RSBN1L: variants seen among roughly 807,000 people sequenced by gnomAD.
RSBN1L encodes the protein lysine-specific demethylase RSBN1L.
A neutral mutation model predicts 67.7 loss-of-function variants in RSBN1L; 30 were observed. That is an observed-to-expected ratio of 0.44 (90% CI 0.33 to 0.60). The LOEUF (loss-of-function observed/expected upper bound fraction) is 0.60. Ranked by LOEUF, RSBN1L falls within the 20% of genes least tolerant of loss-of-function variation. RSBN1L has a pLI of 0.02. For synonymous variants in RSBN1L, 433 were observed against 387.0 expected (o/e 1.12, Z -1.39); for missense variants, 992 against 1,031.7 (o/e 0.96, Z 0.53).
In RSBN1L at chr7:77,768,643, A is replaced by T; in HGVS notation, c.1483-18A>T. ...CATTTTGAAAATAATTGCAATCTGC[A>T]TAATTATTTATCTCCAGTGTACACT... On this transcript the variant is annotated intron_variant, in intron 4 of 7. Coordinates refer to ENST00000334955, the MANE Select transcript of RSBN1L (RefSeq NM_198467.3). The T allele has an allele frequency of 6.2e-7, 1 of 1,603,598 alleles. No homozygotes were observed. The highest frequency in any genetic ancestry group is 8.5e-7 in the Non-Finnish European group (1 of 1,172,568).
At chr7:77,705,426 T>C (rs1790877992) in intron 1 of RSBN1L, among the ~76,000 whole-genome samples, 2 of 152,086 alleles carry the variant, frequency 1.3e-5, no homozygotes, top group African/African-American at 2.4e-5. Context: ...TCAGGAGGCA[T>C]ACAGTCTTTA....
intron 5 of RSBN1L, among the ~76,000 whole-genome samples, chr7:77,770,180 C>T (rs1004920896): frequency 1.3e-4 from 20 of 151,934 alleles, no homozygotes; most frequent in South Asian, 6.2e-4. Context: ...TGAAGATCAG[C>T]CTGGCCAACA....
chr7:77,721,008 C>T (rs957171728), intron 1 of RSBN1L, among the ~76,000 whole-genome samples: 1 of 151,562 alleles, frequency 6.6e-6, no homozygotes, highest in African/African-American at 2.4e-5. Context: ...TGCCAAAGTG[C>T]TGGGATTACA....
chr7:77,731,846 T>A (rs900613578), intron 1 of RSBN1L, among the ~76,000 whole-genome samples: 5 of 144,648 alleles, frequency 3.5e-5, no homozygotes, highest in African/African-American at 7.6e-5. Flanking sequence ...TAGTTTAGAC[T>A]TTTTTTTTTT....
chr7:77,701,459 A>T (rs994902586), intron 1 of RSBN1L, among the ~76,000 whole-genome samples: 1 of 152,194 alleles, frequency 6.6e-6, no homozygotes, highest in South Asian at 2.1e-4. Context: ...ATTTTCCCTC[A>T]AAAGTTTGAA....
intron 4 of RSBN1L, among the ~76,000 whole-genome samples, chr7:77,767,080 T>G: frequency 8.5e-6 from 1 of 117,226 alleles, no homozygotes; most frequent in South Asian, 3.2e-4. Flanking sequence ...TCCCTTCCCC[T>G]TCCCCTTCCC....
chr7:77,740,045 TC>T (rs1562801755), intron 2 of RSBN1L, among the ~76,000 whole-genome samples: 2 of 151,936 alleles, frequency 1.3e-5, no homozygotes, highest in African/African-American at 4.8e-5. Flanking sequence ...AGCCACTGCG[TC>T]CGGCCTGTCA....
chr7:77,724,700 A>G lies in RSBN1L; in HGVS notation c.587-11710A>G, dbSNP rs538653928. On this transcript the variant is annotated intron_variant, in intron 1 of 7. Coordinates refer to ENST00000334955, the MANE Select transcript of RSBN1L (RefSeq NM_198467.3). ...CTTGCCCTCACAAAGTGCTGGGATT[A>G]CAGACATGGGCCACTGCGCCCGGCC... Among the ~76,000 whole-genome samples, 16 of 152,126 alleles carry G rather than the reference A, an allele frequency of 1.1e-4. No homozygotes were observed. In the South Asian group the frequency reaches 3.3e-3, roughly 32 times the overall value.
chr7:77,749,009 A>T (rs1791520300), intron 2 of RSBN1L, among the ~76,000 whole-genome samples: 1 of 152,018 alleles, frequency 6.6e-6, no homozygotes, highest in Non-Finnish European at 1.5e-5. Flanking sequence ...TAATCCCAGC[A>T]CTTCGGGAGG....
At position 77,781,331 on chromosome 7, in the gene RSBN1L, T is replaced by C. The variant is rs947836904; in HGVS notation, c.*2163T>C. The C allele has an allele frequency of 6.6e-6, 1 of 152,262 alleles. No homozygotes were observed. Among genetic ancestry groups the C allele is most frequent in the Non-Finnish European group, 1.5e-5 (1 of 68,054 alleles). The allele number at this position is 152,262 out of a possible 1,614,324, so 9.4% of individuals were successfully genotyped here. A position where few individuals can be genotyped will look rare whatever the true frequency, so the allele number is the denominator to read the frequency against. On this transcript the variant is annotated 3_prime_UTR_variant, in exon 8 of 8. Transcript: ENST00000334955. The stretch of plus-strand genomic sequence containing the variant: ...CTCCCCACCTATTTAATCTTCTGTT[T>C]TAAGCTAAATTTATGGATTTGCACC...
intron 1 of RSBN1L, 55 bp from the exon 2 acceptor site, chr7:77,736,355 A>C (rs191439981): frequency 1.2e-6 from 1 of 842,692 alleles, no homozygotes; most frequent in East Asian, 4.2e-5. Context: ...GTTTGTGCAG[A>C]TAAATGAAGT....
intron 3 of RSBN1L, among the ~76,000 whole-genome samples, chr7:77,762,155 T>C: frequency 6.6e-6 from 1 of 152,176 alleles, no homozygotes; most frequent in East Asian, 1.9e-4. Context: ...ATGTTTTATA[T>C]GTATTTTGGC....
intron 3 of RSBN1L, among the ~76,000 whole-genome samples, chr7:77,762,326 GATAA>G (rs1712659262): frequency 6.6e-6 from 1 of 152,070 alleles, no homozygotes; most frequent in South Asian, 2.1e-4. Flanking sequence ...ATCAGCAAAA[GATAA>G]AGCCTCTTCT....
At chr7:77,740,864 A>C (rs1017677163) in intron 2 of RSBN1L, among the ~76,000 whole-genome samples, 1 of 149,716 alleles carries the variant, frequency 6.7e-6, no homozygotes, top group Admixed American at 6.6e-5. Flanking sequence ...AGTCTGGCAC[A>C]CTCTCTCTGG....
At chr7:77,773,369 T>C in intron 6 of RSBN1L, 55 bp downstream of exon 6, 1 of 1,281,304 alleles carries the variant, frequency 7.8e-7, no homozygotes, top group Non-Finnish European at 1.0e-6. Context: ...CTACAATTTT[T>C]CTTGGAAAAT....
At chr7:77,697,909 C>T (rs947933852) in intron 1 of RSBN1L, among the ~76,000 whole-genome samples, 1 of 152,214 alleles carries the variant, frequency 6.6e-6, no homozygotes, top group African/African-American at 2.4e-5. Context: ...TACGGATACA[C>T]AATGATCTGA....
chr7:77,741,702 A>AG (rs951982670), intron 2 of RSBN1L, among the ~76,000 whole-genome samples: 1 of 151,908 alleles, frequency 6.6e-6, no homozygotes, highest in Non-Finnish European at 1.5e-5. Context: ...AAAAAAAAAA[A>AG]AAAAGAAAAG....
chr7:77,778,446 G>A lies in RSBN1L; in HGVS notation c.1902G>A (p.Gln634=), dbSNP rs1791947382. 6.2e-7 allele frequency: 1 copy of A among 1,605,480 alleles called. No homozygotes were observed. Among genetic ancestry groups the A allele is most frequent in the Non-Finnish European group, 8.5e-7 (1 of 1,176,062 alleles). ...QLDLHEPPLS[Q]CVQWVDDAKL... The stretch of plus-strand genomic sequence containing the variant: ...ATTTACATGAACCTCCACTGTCCCA[G>A]GTATTTTTAATACACTTACTGTCTT... The change falls in exon 7 of 8, where the codon CAG becomes CAA. Residue 634 remains glutamine (Q), a splice_region_variant and synonymous_variant. Transcript: ENST00000334955.
At chr7:77,714,088 T>G (rs1485152229) in intron 1 of RSBN1L, among the ~76,000 whole-genome samples, 1 of 152,210 alleles carries the variant, frequency 6.6e-6, no homozygotes, top group Admixed American at 6.5e-5. Flanking sequence ...GATTTGCACT[T>G]TTTTACATTT....
Sources: allele counts gnomAD v4.1 joint callset (sites outside exome capture counted in the v4.1 genomes callset), GRCh38; gene constraint gnomAD v4.1.1; transcripts MANE v1.5; gene names NCBI Gene and HGNC (gene_info 2026-07-23, HGNC 2026-07-21).